PDLIM5: variants seen among roughly 807,000 people sequenced by gnomAD.
PDLIM5 encodes the protein PDZ and LIM domain 5.
PDLIM5 carries 34 observed loss-of-function variants against 64.2 expected under a neutral mutation model. The observed-to-expected ratio is 0.53, with a 90% CI of 0.40 to 0.71. The LOEUF (loss-of-function observed/expected upper bound fraction) is 0.71, where lower values mean the gene tolerates loss of function less well. Ranked by LOEUF, PDLIM5 falls within the 30% of genes least tolerant of loss-of-function variation. The pLI, the probability that PDLIM5 is intolerant of heterozygous loss-of-function variation, is 0.00. For missense variants in PDLIM5, 683 were observed against 733.6 expected (o/e 0.93, Z 0.80); for synonymous variants, 253 against 269.1 (o/e 0.94, Z 0.59).
At chr4:94,606,936 T>G (rs971587857) in intron 7 of PDLIM5, among the ~76,000 whole-genome samples, 1 of 152,224 alleles carries the variant, frequency 6.6e-6, no homozygotes, top group Non-Finnish European at 1.5e-5. Context: ...TTATTTCGAT[T>G]TTCTTAACCA....
At chr4:94,610,806 T>G (rs1187052830) in intron 7 of PDLIM5, among the ~76,000 whole-genome samples, 2 of 152,212 alleles carry the variant, frequency 1.3e-5, no homozygotes, top group Admixed American at 6.5e-5. Context: ...GAGCTTCAAA[T>G]GCTTTCTAAA....
intron 7 of PDLIM5, among the ~76,000 whole-genome samples, chr4:94,612,211 C>G (rs1738425334): frequency 6.6e-6 from 1 of 152,096 alleles, no homozygotes; most frequent in South Asian, 2.1e-4. Flanking sequence ...GGGCAAGACT[C>G]TGTCTCAAAA....
chr4:94,457,996 G>T (rs940606714), intron 2 of PDLIM5, among the ~76,000 whole-genome samples: 4 of 152,304 alleles, frequency 2.6e-5, no homozygotes, highest in Middle Eastern at 3.4e-3. Context: ...AAGGGGAGGG[G>T]AAGGAGAGAA....
At position 94,618,177 on chromosome 4, in the gene PDLIM5, G is replaced by T; in HGVS notation, c.1094G>T (p.Arg365Leu). 6.3e-7 allele frequency: 1 copy of T among 1,597,936 alleles called. No homozygotes were observed. The highest frequency in any genetic ancestry group is 8.5e-7 in the Non-Finnish European group (1 of 1,172,930). ...GTCATCAAGTCACCAAGCTGGCAAC[G>T]GCCAAACCAAGGAGGTAGCCCAGAG... is the stretch of plus-strand genomic sequence containing the variant. ...TGVIKSPSWQRPNQGVPSTGR... is the reference protein window; with the variant it reads ...TGVIKSPSWQLPNQGVPSTGR... The change falls in exon 8 of 13, where the codon CGG becomes CTG. Residue 365 changes from arginine (R) to leucine (L), a missense_variant. Arg to Leu is a moderately radical substitution (Grantham distance 102). Coordinates refer to ENST00000317968, the MANE Select transcript of PDLIM5 (RefSeq NM_006457.5).
Position 94,641,952 on chromosome 4 carries a change from A to G in PDLIM5, c.1283+1502A>G, listed in dbSNP as rs932682408. Among the ~76,000 whole-genome samples, 6 of 152,210 alleles carry G rather than the reference A, an allele frequency of 3.9e-5. No individual in the cohort carries two copies. In the East Asian group the frequency reaches 1.2e-3, roughly 29 times the overall value. ...GGTTAGTCATTTTCCTGAAAGTGCT[A>G]GTATGGGGTCTCTGTCTTATAGAAA... On this transcript the variant is annotated intron_variant, in intron 9 of 12. Coordinates refer to ENST00000317968, the MANE Select transcript of PDLIM5 (RefSeq NM_006457.5).
At chr4:94,527,028 C>T (rs1730426177) in intron 3 of PDLIM5, among the ~76,000 whole-genome samples, 1 of 148,126 alleles carries the variant, frequency 6.8e-6, no homozygotes, top group African/African-American at 2.5e-5. Flanking sequence ...AGCCATTGCG[C>T]CCGGCCTGAA....
At chr4:94,563,730 C>T (rs1316385314) in intron 3 of PDLIM5, among the ~76,000 whole-genome samples, 2 of 152,154 alleles carry the variant, frequency 1.3e-5, no homozygotes, top group Admixed American at 6.5e-5. Flanking sequence ...ATGTCTCATA[C>T]TTTGAAAAGA....
intron 3 of PDLIM5, among the ~76,000 whole-genome samples, chr4:94,545,460 TACTC>T (rs1273221436): frequency 3.9e-5 from 6 of 152,344 alleles, no homozygotes; most frequent in South Asian, 4.1e-4. Context: ...TCATTTCTCT[TACTC>T]AGTGCCTGAC....
At chr4:94,539,927 G>A (rs538411184) in intron 3 of PDLIM5, among the ~76,000 whole-genome samples, 16 of 152,160 alleles carry the variant, frequency 1.1e-4, no homozygotes, top group African/African-American at 3.4e-4. Context: ...CTTGGCTGCC[G>A]TGAGTAAAAT....
At chr4:94,522,958 T>G (rs774247110) in intron 2 of PDLIM5, among the ~76,000 whole-genome samples, 3 of 152,104 alleles carry the variant, frequency 2.0e-5, no homozygotes, top group Non-Finnish European at 2.9e-5. Context: ...AAAAGTTCAC[T>G]GTCACTTAGT....
chr4:94,519,323 C>T (rs183006404), intron 2 of PDLIM5, among the ~76,000 whole-genome samples: 11 of 152,254 alleles, frequency 7.2e-5, no homozygotes, highest in South Asian at 2.1e-4. Context: ...TGAGCATTTC[C>T]GGTGCATTTT....
intron 9 of PDLIM5, 58 bp from the exon 10 acceptor site, chr4:94,654,402 C>A: frequency 8.9e-7 from 1 of 1,127,570 alleles, no homozygotes; most frequent in East Asian, 2.3e-5. Context: ...GGTCCATATC[C>A]AGGCTAACTC....
At chr4:94,519,455 G>A (rs1374754482) in intron 2 of PDLIM5, among the ~76,000 whole-genome samples, 1 of 152,120 alleles carries the variant, frequency 6.6e-6, no homozygotes, top group African/African-American at 2.4e-5. Flanking sequence ...GTAAATTCGG[G>A]TCACACAACC....
At chr4:94,482,361 T>A (rs1446503633) in intron 2 of PDLIM5, among the ~76,000 whole-genome samples, 2 of 152,160 alleles carry the variant, frequency 1.3e-5, no homozygotes. Context: ...TAAGACCTTT[T>A]GAGATTAACT....
intron 7 of PDLIM5, among the ~76,000 whole-genome samples, chr4:94,590,098 G>A (rs1026393078): frequency 6.6e-6 from 1 of 152,030 alleles, no homozygotes; most frequent in Non-Finnish European, 1.5e-5. Flanking sequence ...TTTTCTTACA[G>A]TGTTTTATTC....
chr4:94,628,665 G>A (rs1040880990), intron 8 of PDLIM5, among the ~76,000 whole-genome samples: 1 of 151,902 alleles, frequency 6.6e-6, no homozygotes, highest in Admixed American at 6.6e-5. Context: ...AAAATTGGTG[G>A]GAAAATGGTA....
rs999685025 is a variant in PDLIM5 at position 94,666,136 on chromosome 4, C to G, written c.*2069C>G. 2.2e-5 allele frequency: 18 copies of G among 811,350 alleles called. No individual in the cohort carries two copies. The highest frequency in any genetic ancestry group is 3.9e-6 in the Non-Finnish European group (2 of 517,022). The allele number at this position is 811,350 out of a possible 1,614,324, so 50.3% of individuals were successfully genotyped here. Reference sequence around the variant, plus strand: ...TCCTTCCTGCCCCATCACTCACTTACGACATCACTTCCATTGTGTGCATGT... The same window carrying G: ...TCCTTCCTGCCCCATCACTCACTTAGGACATCACTTCCATTGTGTGCATGT... On this transcript the variant is annotated 3_prime_UTR_variant, in exon 13 of 13. Transcript: ENST00000317968.
intron 8 of PDLIM5, among the ~76,000 whole-genome samples, chr4:94,634,833 G>C (rs914514592): frequency 2.6e-5 from 4 of 152,126 alleles, no homozygotes; most frequent in Non-Finnish European, 5.9e-5. Context: ...GTACTACCGG[G>C]AACTTGATTG....
At chr4:94,609,287 A>G (rs1738173586) in intron 7 of PDLIM5, among the ~76,000 whole-genome samples, 2 of 152,208 alleles carry the variant, frequency 1.3e-5, no homozygotes, top group South Asian at 2.1e-4. Flanking sequence ...AGAGACTACA[A>G]GTTTCACACT....
Sources: allele counts gnomAD v4.1 joint callset (sites outside exome capture counted in the v4.1 genomes callset), GRCh38; gene constraint gnomAD v4.1.1; transcripts MANE v1.5; gene names NCBI Gene and HGNC (gene_info 2026-07-23, HGNC 2026-07-21).